KSR2: variants seen among roughly 807,000 people sequenced by gnomAD.
KSR2 encodes kinase suppressor of ras 2.
KSR2 carries 25 observed loss-of-function variants against 107.8 expected under a neutral mutation model. That is an observed-to-expected ratio of 0.23 (90% CI 0.17 to 0.32). KSR2 has a LOEUF of 0.32. Among genes scored for constraint, KSR2 ranks in the 10% least tolerant of loss-of-function variants. The pLI is 1.00. For synonymous variants in KSR2, 480 were observed against 507.0 expected (o/e 0.95, Z 0.71); for missense variants, 887 against 1,268.9 (o/e 0.70, Z 4.57).
At chr12:117,856,642 A>C (rs1252745229) in intron 2 of KSR2, among the ~76,000 whole-genome samples, 4 of 151,934 alleles carry the variant, frequency 2.6e-5, no homozygotes, top group African/African-American at 7.2e-5. Context: ...ACGCCTGGCT[A>C]ATTTTTGTAT....
intron 5 of KSR2, among the ~76,000 whole-genome samples, chr12:117,623,083 G>A (rs1882278426): frequency 6.6e-6 from 1 of 152,206 alleles, no homozygotes; most frequent in Non-Finnish European, 1.5e-5. Flanking sequence ...ACCTCTTTGA[G>A]CCTCATTTTC....
intron 2 of KSR2, among the ~76,000 whole-genome samples, chr12:117,856,469 T>C (rs1893105240): frequency 6.6e-6 from 1 of 152,150 alleles, no homozygotes; most frequent in South Asian, 2.1e-4. Flanking sequence ...CCTTTTTTTG[T>C]TTTTTGTTTA....
intron 16 of KSR2, among the ~76,000 whole-genome samples, chr12:117,480,556 C>T (rs1872117163): frequency 6.6e-6 from 1 of 152,176 alleles, no homozygotes; most frequent in Non-Finnish European, 1.5e-5. Context: ...GTGCAGAACA[C>T]ACTCACATCA....
At chr12:117,915,689 G>A (rs138073481) in intron 1 of KSR2, among the ~76,000 whole-genome samples, 8 of 152,156 alleles carry the variant, frequency 5.3e-5, no homozygotes, top group South Asian at 4.2e-4. Flanking sequence ...ACTTCGGCTC[G>A]AGATATATTC....
chr12:117,578,255 C>T (rs1277067801), intron 7 of KSR2, among the ~76,000 whole-genome samples: 2 of 151,982 alleles, frequency 1.3e-5, no homozygotes, highest in African/African-American at 4.8e-5. Context: ...GGGATAATTA[C>T]AAGGCTGGTT....
intron 1 of KSR2, among the ~76,000 whole-genome samples, chr12:117,882,211 C>T (rs976949315): frequency 1.3e-5 from 2 of 152,158 alleles, no homozygotes; most frequent in African/African-American, 4.8e-5. Flanking sequence ...ATAGTAGCAG[C>T]ACAGGCCAAG....
At chr12:117,776,814 C>T (rs1039369222) in intron 3 of KSR2, among the ~76,000 whole-genome samples, 2 of 152,038 alleles carry the variant, frequency 1.3e-5, no homozygotes, top group Admixed American at 6.6e-5. Flanking sequence ...CCCAGCTACT[C>T]TCTCATTCCT....
In KSR2 at chr12:117,548,408, T is replaced by C. The variant is rs1203083164; in HGVS notation, c.1518+6761A>G. On this transcript the variant is annotated intron_variant, in intron 9 of 19. Coordinates refer to ENST00000339824, the MANE Select transcript of KSR2 (RefSeq NM_173598.6). ...TTTATGATGATTTGTGTCCACATAA[T>C]GAATAGTAAATATATATTTTCTTCC... Among the ~76,000 whole-genome samples the C allele has an allele frequency of 2.0e-5, 3 of 152,230 alleles. No homozygotes were observed. The East Asian group carries it at 5.8e-4, about 29-fold the overall frequency.
rs1872423613 is a variant in KSR2, at chr12:117,485,700, C to T, written c.2220-9G>A. On this transcript the variant is annotated splice_polypyrimidine_tract_variant and intron_variant, in intron 14 of 19. Coordinates refer to ENST00000339824, the MANE Select transcript of KSR2 (RefSeq NM_173598.6). ...TCCGTCCCTTACAGAGGCTGAAAAG[C>T]AAAAGGACAAGATAAATTAATGGCA... 6.3e-7 allele frequency: 1 copy of T among 1,596,688 alleles called. No homozygotes were observed. The highest frequency in any genetic ancestry group is 8.6e-7 in the Non-Finnish European group (1 of 1,164,840).
chr12:117,626,962 G>T (rs939812979), intron 5 of KSR2, among the ~76,000 whole-genome samples: 2 of 150,806 alleles, frequency 1.3e-5, no homozygotes, highest in African/African-American at 4.9e-5. Context: ...TTATGTAATG[G>T]GCTTCTTTTG....
intron 5 of KSR2, among the ~76,000 whole-genome samples, chr12:117,652,547 C>G (rs1214301762): frequency 1.3e-5 from 2 of 152,150 alleles, no homozygotes; most frequent in African/African-American, 4.8e-5. Flanking sequence ...TTTACAGAAC[C>G]AGAACCCTTT....
At chr12:117,966,648 T>C (rs4767647) in intron 1 of KSR2, among the ~76,000 whole-genome samples, 87,724 of 135,862 alleles carry the variant, frequency 0.65, 26,051 homozygotes, top group East Asian at 0.75. Flanking sequence ...CACACACACA[T>C]GCTGTCTCTC....
chr12:117,538,561 A>C (rs549281260), intron 10 of KSR2, among the ~76,000 whole-genome samples: 1 of 152,160 alleles, frequency 6.6e-6, no homozygotes, highest in South Asian at 2.1e-4. Flanking sequence ...CATAGTGTGA[A>C]GCTTGTTGAC....
At chr12:117,518,227 T>G (rs1111599) in intron 14 of KSR2, among the ~76,000 whole-genome samples, 1 of 151,912 alleles carries the variant, frequency 6.6e-6, no homozygotes, top group African/African-American at 2.4e-5. Context: ...ATTGGTGACA[T>G]GCGCCAAATG....
intron 3 of KSR2, among the ~76,000 whole-genome samples, chr12:117,836,528 A>G (rs1474766300): frequency 1.3e-5 from 2 of 152,120 alleles, no homozygotes; most frequent in Admixed American, 6.5e-5. Flanking sequence ...TCACAACACT[A>G]AAAGACTCGC....
At chr12:117,826,559 G>A (rs1040694733) in intron 3 of KSR2, among the ~76,000 whole-genome samples, 2 of 152,188 alleles carry the variant, frequency 1.3e-5, no homozygotes, top group South Asian at 2.1e-4. Context: ...CTTAGAGAGA[G>A]GGTCAAGCTT....
rs115175945 is a variant in KSR2 at position 117,823,676 on chromosome 12, A to G, written c.472+31752T>C. ...AGACCAGGAGAGTGTGCTTTCTTGG[A>G]AACCAAGAGAAGATATCATTTCCAA... On this transcript the variant is annotated intron_variant, in intron 3 of 19. Transcript: ENST00000339824. Among the ~76,000 whole-genome samples the G allele has an allele frequency of 7.6e-3, 1,158 of 152,340 alleles. 15 individuals are homozygous for G. Among genetic ancestry groups the G allele is most frequent in the African/African-American group, 0.027 (1,106 of 41,572 alleles).
chr12:117,784,795 T>C (rs961547903), intron 3 of KSR2, among the ~76,000 whole-genome samples: 4 of 152,124 alleles, frequency 2.6e-5, no homozygotes, highest in African/African-American at 9.7e-5. Flanking sequence ...GTGCAAGTTA[T>C]CTCCAAAAGA....
At position 117,579,102 on chromosome 12, in the gene KSR2, A is replaced by G; in HGVS notation, c.1325+17T>C. ...ATCGGGTGCTGCGAAAAGTCACTGC[A>G]GGGCACAGTCACTTACTTGCAGTTT... is the stretch of plus-strand genomic sequence containing the variant. On this transcript the variant is annotated intron_variant, in intron 7 of 19. Coordinates refer to ENST00000339824, the MANE Select transcript of KSR2 (RefSeq NM_173598.6). The G allele has an allele frequency of 7.5e-6, 12 of 1,601,734 alleles. No homozygotes were observed. The highest frequency in any genetic ancestry group is 1.0e-5 in the Non-Finnish European group (12 of 1,170,328).
Sources: gnomAD v4.1 joint callset for allele counts (sites outside exome capture counted in the v4.1 genomes callset) on GRCh38, gnomAD v4.1.1 for gene constraint, MANE v1.5 for transcripts, NCBI Gene and HGNC (gene_info 2026-07-23, HGNC 2026-07-21) for gene names.